EML6: variants seen among roughly 807,000 people sequenced by gnomAD.
EML6 encodes the protein EMAP like 6.
EML6 carries 154 observed loss-of-function variants against 240.1 expected under a neutral mutation model. The observed-to-expected ratio is 0.64, with a 90% CI of 0.56 to 0.73. The LOEUF is 0.73. Among genes scored for constraint, EML6 ranks in the 30% least tolerant of loss-of-function variants. EML6 has a pLI of 0.00. For synonymous variants in EML6, 1,148 were observed against 899.0 expected, an observed-to-expected ratio of 1.28 and a Z score of -4.95; for missense variants, 2,964 against 2,474.6, an observed-to-expected ratio of 1.20 and a Z score of -4.20.
intron 2 of EML6, among the ~76,000 whole-genome samples, chr2:54,793,938 T>C (rs1669612432): frequency 6.6e-6 from 1 of 152,186 alleles, no homozygotes; most frequent in Admixed American, 6.5e-5. Flanking sequence ...AAGTGTCTAC[T>C]TGACAGTTGA....
chr2:54,853,599 T>G lies in EML6; in HGVS notation c.1445-44T>G, dbSNP rs895154789. On this transcript the variant is annotated intron_variant, in intron 10 of 41. Coordinates refer to ENST00000356458, the MANE Select transcript of EML6 (RefSeq NM_001039753.4). ...GATCTTTATAAAAAATAAATTAGAATAAACTTTTTATTTAAATGTAATGTT... is the reference window on the plus strand; with the variant it reads ...GATCTTTATAAAAAATAAATTAGAAGAAACTTTTTATTTAAATGTAATGTT... 5 of 1,202,306 alleles carry G rather than the reference T, an allele frequency of 4.2e-6. No homozygotes were observed. In the African/African-American group the frequency reaches 4.6e-5, roughly 11 times the overall value. The allele number at this position is 1,202,306 out of a possible 1,614,324, so 74.5% of individuals were successfully genotyped here.
chr2:54,752,296 G>A (rs1319639215), intron 2 of EML6, among the ~76,000 whole-genome samples: 1 of 152,064 alleles, frequency 6.6e-6, no homozygotes, highest in Non-Finnish European at 1.5e-5. Flanking sequence ...TCACATTTTT[G>A]TGAACTTCTT....
intron 2 of EML6, among the ~76,000 whole-genome samples, chr2:54,770,354 T>A (rs562650758): frequency 2.0e-5 from 3 of 152,216 alleles, no homozygotes; most frequent in African/African-American, 7.2e-5. Flanking sequence ...ACCAGCACAC[T>A]TGGGACCACT....
chr2:54,863,848 T>C lies in EML6; in HGVS notation c.1891T>C (p.Ser631Pro). Residue 631 changes from serine to proline, a missense_variant, in exon 13 of 42, where the codon TCT becomes CCT. Physicochemically the swap from Ser to Pro is moderately conservative, Grantham distance 74. Transcript: ENST00000356458. The stretch of plus-strand genomic sequence containing the variant: ...TTTATCTGATGTGCCCGAACTGGAC[T>C]CTGATATTGAGCAAGAAGCTCAAAT... ...SDLSDVPELDSDIEQEAQINY... is the reference protein window; with the variant it reads ...SDLSDVPELDPDIEQEAQINY... The C allele has an allele frequency of 6.5e-7, 1 of 1,548,694 alleles. No homozygotes were observed. The highest frequency in any genetic ancestry group is 8.7e-7 in the Non-Finnish European group (1 of 1,145,702).
rs568613815 is a variant in EML6, at chr2:54,934,023, C to T, written c.4004+5272C>T. On this transcript the variant is annotated intron_variant, in intron 28 of 41. Coordinates refer to ENST00000356458, the MANE Select transcript of EML6 (RefSeq NM_001039753.4). Reference sequence around the variant, plus strand: ...TTGAAGGAGGGAGAATGAGACAACACGCAGTGATCACTGGTCCATAGCGTA... The same window carrying T: ...TTGAAGGAGGGAGAATGAGACAACATGCAGTGATCACTGGTCCATAGCGTA... 1.9e-3 allele frequency among the ~76,000 whole-genome samples: 290 copies of T among 152,210 alleles called. 9 individuals are homozygous for T. The South Asian group carries it at 0.055, about 29-fold the overall frequency.
intron 22 of EML6, 106 bp downstream of exon 22, chr2:54,899,888 A>G (rs749880651): frequency 4.2e-5 from 46 of 1,092,074 alleles, no homozygotes; most frequent in Non-Finnish European, 5.3e-5. Context: ...TTATATGCCC[A>G]TAAATATGCT....
chr2:54,862,338 TAAAAAA>T (rs35834327), intron 12 of EML6, among the ~76,000 whole-genome samples: 1 of 37,694 alleles, frequency 2.7e-5, no homozygotes, highest in African/African-American at 1.1e-4. Flanking sequence ...ACTCCATCTC[TAAAAAA>T]AAAAAAAAAA....
intron 2 of EML6, among the ~76,000 whole-genome samples, chr2:54,805,705 T>C (rs534456143): frequency 6.6e-6 from 1 of 152,320 alleles, no homozygotes; most frequent in Non-Finnish European, 1.5e-5. Flanking sequence ...CTCCTTTGTG[T>C]AATGGTTCAT....
chr2:54,789,100 T>G (rs1038732320), intron 2 of EML6, among the ~76,000 whole-genome samples: 1 of 152,234 alleles, frequency 6.6e-6, no homozygotes, highest in Non-Finnish European at 1.5e-5. Flanking sequence ...CTTAATTCCT[T>G]CAGCACTTTG....
chr2:54,965,464 T>G (rs1407580452), intron 38 of EML6, among the ~76,000 whole-genome samples: 4 of 152,092 alleles, frequency 2.6e-5, no homozygotes, highest in Non-Finnish European at 5.9e-5. Context: ...ACAGGGGAAT[T>G]GCAATAGAGA....
chr2:54,958,386 T>A (rs1438280055), intron 33 of EML6, among the ~76,000 whole-genome samples: 1 of 151,996 alleles, frequency 6.6e-6, no homozygotes, highest in African/African-American at 2.4e-5. Flanking sequence ...GAAACAGGGT[T>A]TCACCATGTT....
intron 7 of EML6, among the ~76,000 whole-genome samples, chr2:54,832,526 G>A (rs1443161814): frequency 6.6e-6 from 1 of 152,200 alleles, no homozygotes; most frequent in Non-Finnish European, 1.5e-5. Flanking sequence ...CCCAACACAA[G>A]TGTAGGAATT....
At chr2:54,883,331 C>T (rs1261996840) in intron 17 of EML6, among the ~76,000 whole-genome samples, 5 of 151,852 alleles carry the variant, frequency 3.3e-5, no homozygotes, top group Admixed American at 6.6e-5. Flanking sequence ...TGTTACCTGT[C>T]TTGTTCTATA....
intron 11 of EML6, 40 bp from the exon 12 acceptor site, chr2:54,859,493 TC>T (rs1200058769): frequency 1.3e-6 from 2 of 1,508,786 alleles, no homozygotes; most frequent in Non-Finnish European, 1.8e-6. Flanking sequence ...AATGAACTCT[TC>T]TTTTTTCATA....
intron 28 of EML6, among the ~76,000 whole-genome samples, chr2:54,932,136 A>C (rs553868137): frequency 1.3e-5 from 2 of 152,378 alleles, no homozygotes; most frequent in South Asian, 2.1e-4. Flanking sequence ...GAAGCTGAGA[A>C]GAAATTTACA....
chr2:54,837,220 G>A (rs1669198463), intron 7 of EML6, among the ~76,000 whole-genome samples: 1 of 152,142 alleles, frequency 6.6e-6, no homozygotes, highest in Non-Finnish European at 1.5e-5. Context: ...CATGTCCTGG[G>A]CATACATTCA....
chr2:54,888,761 C>T (rs1157488213), intron 17 of EML6, among the ~76,000 whole-genome samples: 1 of 152,198 alleles, frequency 6.6e-6, no homozygotes, highest in Non-Finnish European at 1.5e-5. Context: ...TTTACCCATT[C>T]ACCTGCTGAA....
intron 2 of EML6, among the ~76,000 whole-genome samples, chr2:54,730,525 A>G (rs1683106270): frequency 6.6e-6 from 1 of 152,160 alleles, no homozygotes; most frequent in Non-Finnish European, 1.5e-5. Flanking sequence ...GAATTCTCCC[A>G]CCCTCAACAC....
intron 2 of EML6, among the ~76,000 whole-genome samples, chr2:54,812,989 C>T: frequency 6.6e-6 from 1 of 152,242 alleles, no homozygotes; most frequent in Non-Finnish European, 1.5e-5. Flanking sequence ...ATCACAACAG[C>T]ACCTAATTTT....
Sources: allele counts gnomAD v4.1 joint callset (sites outside exome capture counted in the v4.1 genomes callset), GRCh38; gene constraint gnomAD v4.1.1; transcripts MANE v1.5; gene names NCBI Gene and HGNC (gene_info 2026-07-23, HGNC 2026-07-21).